Variants in NBAS observed in about 807,000 individuals in gnomAD.
The protein encoded by NBAS is NAG/BC035112 fusion.
A neutral mutation model predicts 302.5 loss-of-function variants in NBAS; 219 were observed. The ratio of observed to expected loss-of-function variants is 0.72; its 90% CI spans 0.65 to 0.81. The LOEUF (loss-of-function observed/expected upper bound fraction) is 0.81. NBAS is among the 30% of genes least tolerant of loss of function. The probability of loss-of-function intolerance (pLI) is 0.00; values close to 1 mark genes in which losing one functional copy is unlikely to be tolerated. For synonymous variants in NBAS, 1,118 were observed against 1,021.6 expected (o/e 1.09, Z -1.80); for missense variants, 2,932 against 2,841.6 (o/e 1.03, Z -0.72).
the NBAS span, among the ~76,000 whole-genome samples, chr2:15,143,863 C>T: frequency 6.2e-3 from 939 of 151,816 alleles, 7 homozygotes; most frequent in African/African-American, 0.022. Context: ...GGAGACTCGC[C>T]TAGCCTCCCA....
At chr2:15,119,106 G>A in the NBAS span, among the ~76,000 whole-genome samples, 2 of 151,946 alleles carry the variant, frequency 1.3e-5, no homozygotes, top group Admixed American at 1.3e-4. Flanking sequence ...TCTCCTCATG[G>A]GGGTGTTCAT....
intron 41 of NBAS, among the ~76,000 whole-genome samples, chr2:15,288,653 A>G (rs1670167864): frequency 6.6e-6 from 1 of 152,234 alleles, no homozygotes; most frequent in Non-Finnish European, 1.5e-5. Flanking sequence ...TTATAAGGCC[A>G]TTTTAGAAAG....
At chr2:15,427,819 T>C in intron 21 of NBAS, 25 bp from the exon 22 acceptor site, 3 of 1,561,118 alleles carry the variant, frequency 1.9e-6, no homozygotes, top group Non-Finnish European at 2.6e-6. Flanking sequence ...AAAATAAGTG[T>C]TTAAAATTCA....
At chr2:15,343,156 G>A (rs894587031) in intron 35 of NBAS, among the ~76,000 whole-genome samples, 1 of 152,106 alleles carries the variant, frequency 6.6e-6, no homozygotes, top group African/African-American at 2.4e-5. Context: ...TACACAAGAT[G>A]TGGGCCTAAG....
At chr2:15,555,901 T>C (rs1364213175) in intron 3 of NBAS, among the ~76,000 whole-genome samples, 1 of 152,088 alleles carries the variant, frequency 6.6e-6, no homozygotes, top group Non-Finnish European at 1.5e-5. Context: ...TGACACCTCA[T>C]CCAAGGGTGT....
the NBAS span, among the ~76,000 whole-genome samples, chr2:14,833,406 TC>T: frequency 6.6e-6 from 1 of 152,152 alleles, no homozygotes; most frequent in Non-Finnish European, 1.5e-5. Flanking sequence ...TGTATAAATT[TC>T]TCTGAGACTC....
the NBAS span, among the ~76,000 whole-genome samples, chr2:15,034,239 A>AGAAG: frequency 1.2e-5 from 1 of 82,492 alleles, no homozygotes; most frequent in Non-Finnish European, 2.5e-5. Flanking sequence ...AAAGAAGGAA[A>AGAAG]GAAAGAAAGA....
At chr2:14,964,140 A>G in the NBAS span, among the ~76,000 whole-genome samples, 1 of 152,236 alleles carries the variant, frequency 6.6e-6, no homozygotes, top group East Asian at 1.9e-4. Flanking sequence ...CTGGCATCCA[A>G]TCAAAAGCTA....
intron 27 of NBAS, 142 bp downstream of exon 27, chr2:15,396,271 T>C (rs1238087603): frequency 4.8e-6 from 3 of 622,080 alleles, no homozygotes; most frequent in Non-Finnish European, 5.6e-6. Context: ...TATTTGTTGT[T>C]GAGAAAATTC....
At chr2:15,382,634 T>C (rs191976349) in intron 29 of NBAS, among the ~76,000 whole-genome samples, 1 of 152,272 alleles carries the variant, frequency 6.6e-6, no homozygotes, top group East Asian at 1.9e-4. Context: ...TTGATGGTGC[T>C]ACTGCAACAT....
chr2:14,881,994 T>C, the NBAS span, among the ~76,000 whole-genome samples: 1 of 152,108 alleles, frequency 6.6e-6, no homozygotes, highest in Admixed American at 6.5e-5. Flanking sequence ...GAATAATGTG[T>C]AAATGTCCCA....
the NBAS span, among the ~76,000 whole-genome samples, chr2:14,814,370 C>T: frequency 6.6e-6 from 1 of 152,212 alleles, no homozygotes; most frequent in Non-Finnish European, 1.5e-5. Context: ...GGGGGCTGTA[C>T]TCTGTAGATC....
intron 36 of NBAS, among the ~76,000 whole-genome samples, chr2:15,329,389 C>T (rs1672219104): frequency 6.6e-6 from 1 of 152,160 alleles, no homozygotes; most frequent in South Asian, 2.1e-4. Context: ...CCCAAACCAA[C>T]CTCTTCCCAC....
the NBAS span, among the ~76,000 whole-genome samples, chr2:15,074,029 T>A: frequency 6.6e-6 from 1 of 152,104 alleles, no homozygotes; most frequent in Non-Finnish European, 1.5e-5. Context: ...TTATGAATAA[T>A]GAGGAAGACT....
chr2:15,112,311 A>C, the NBAS span, among the ~76,000 whole-genome samples: 1 of 152,096 alleles, frequency 6.6e-6, no homozygotes, highest in African/African-American at 2.4e-5. Flanking sequence ...ATAAGAGTGA[A>C]TAAACATAAC....
chr2:14,991,080 G>T, the NBAS span, among the ~76,000 whole-genome samples: 1 of 152,086 alleles, frequency 6.6e-6, no homozygotes. Flanking sequence ...GCTTGAGAAA[G>T]ACGAGTTAGC....
rs767567374 is a variant in NBAS at position 15,356,346 on chromosome 2, G to T, written c.3888C>A (p.Asp1296Glu). The change falls in exon 33 of 52, where the codon GAC becomes GAA. Residue 1296 changes from aspartate to glutamate, a missense_variant. Asp to Glu is a conservative substitution (Grantham distance 45, BLOSUM62 2). Transcript: ENST00000281513. ...LLVEQALRFH[D>E]YKAASMHCQE... ...GACAATGCATACTGGCTGCTTTGTAGTCATGGAAGCGAAGTGCCTGCTCCA... is the reference window on the plus strand; with the variant it reads ...GACAATGCATACTGGCTGCTTTGTATTCATGGAAGCGAAGTGCCTGCTCCA... 3 of 1,613,780 alleles carry T rather than the reference G, an allele frequency of 1.9e-6. No homozygotes were observed. In the South Asian group the frequency reaches 3.3e-5, roughly 18 times the overall value.
chr2:15,375,764 A>G (rs929026655), intron 30 of NBAS, among the ~76,000 whole-genome samples: 1 of 152,182 alleles, frequency 6.6e-6, no homozygotes, highest in African/African-American at 2.4e-5. Context: ...GTGGGTGCTC[A>G]CTACCAAATT....
At chr2:15,467,456 T>C (rs771219817) in intron 18 of NBAS, 49 bp from the exon 19 acceptor site, 19 of 1,472,278 alleles carry the variant, frequency 1.3e-5, no homozygotes, top group African/African-American at 9.7e-5. Flanking sequence ...CAGAATTATT[T>C]CTCTAGGAGT....
Sources: allele counts gnomAD v4.1 joint callset (sites outside exome capture counted in the v4.1 genomes callset), GRCh38; gene constraint gnomAD v4.1.1; transcripts MANE v1.5; gene names NCBI Gene and HGNC (gene_info 2026-07-23, HGNC 2026-07-21).